Variants in CDH12 observed in about 807,000 individuals in gnomAD.
CDH12 encodes the protein cadherin-12.
A neutral mutation model predicts 74.1 loss-of-function variants in CDH12; 41 were observed. The ratio of observed to expected loss-of-function variants is 0.55; its 90% CI spans 0.43 to 0.72. The LOEUF (loss-of-function observed/expected upper bound fraction) is 0.72. Among genes scored for constraint, CDH12 ranks in the 30% least tolerant of loss-of-function variants. CDH12 has a pLI of 0.00. For synonymous variants in CDH12, 399 were observed against 355.0 expected, an observed-to-expected ratio of 1.12 and a Z score of -1.39; for missense variants, 945 against 977.2, an observed-to-expected ratio of 0.97 and a Z score of 0.44.
chr5:22,223,459 A>T (rs1370749185), intron 3 of CDH12, among the ~76,000 whole-genome samples: 1 of 152,056 alleles, frequency 6.6e-6, no homozygotes, highest in Non-Finnish European at 1.5e-5. Flanking sequence ...TTCACAGATG[A>T]TGCAAGCCTA....
Position 22,163,251 on chromosome 5 carries a change from T to G in CDH12, c.-187+49247A>C, listed in dbSNP as rs539062937. The stretch of plus-strand genomic sequence containing the variant: ...CTCGTTTATCCTGTTTATATACATT[T>G]GGTTGGACTTCTCATCCAATGTCAG... On this transcript the variant is annotated intron_variant, in intron 4 of 14. Coordinates refer to ENST00000382254, the MANE Select transcript of CDH12 (RefSeq NM_004061.5). Among the ~76,000 whole-genome samples, 8 of 152,306 alleles carry G rather than the reference T, an allele frequency of 5.3e-5. No individual in the cohort carries two copies. In the South Asian group the frequency reaches 1.7e-3, roughly 32 times the overall value.
chr5:22,117,062 C>T (rs1220885206), intron 4 of CDH12, among the ~76,000 whole-genome samples: 1 of 151,356 alleles, frequency 6.6e-6, no homozygotes, highest in Non-Finnish European at 1.5e-5. Context: ...AAGTCCAATT[C>T]TAGGCCAGCC....
At chr5:22,114,420 G>A (rs1744977908) in intron 4 of CDH12, among the ~76,000 whole-genome samples, 1 of 151,828 alleles carries the variant, frequency 6.6e-6, no homozygotes, top group African/African-American at 2.4e-5. Flanking sequence ...TTAGAGTTCT[G>A]GACAATTGGT....
intron 1 of CDH12, among the ~76,000 whole-genome samples, chr5:22,749,341 T>C (rs1251156084): frequency 6.6e-6 from 1 of 152,230 alleles, no homozygotes; most frequent in Non-Finnish European, 1.5e-5. Context: ...TTGAACTACT[T>C]TGATTCATAG....
intron 2 of CDH12, among the ~76,000 whole-genome samples, chr5:22,429,890 T>C (rs1006501903): frequency 2.0e-5 from 3 of 152,122 alleles, no homozygotes; most frequent in Non-Finnish European, 4.4e-5. Flanking sequence ...ATAGCATCTT[T>C]GAATGAGAGA....
intron 10 of CDH12, among the ~76,000 whole-genome samples, chr5:21,792,601 T>C (rs1322515632): frequency 1.3e-4 from 4 of 29,654 alleles, no homozygotes; most frequent in Admixed American, 8.4e-4. Flanking sequence ...CTCTGCCCTT[T>C]TTTTTTTTTT....
At chr5:22,225,931 A>G (rs201816692) in intron 3 of CDH12, among the ~76,000 whole-genome samples, 1 of 143,126 alleles carries the variant, frequency 7.0e-6, no homozygotes, top group African/African-American at 2.6e-5. Flanking sequence ...AACAGCAGCA[A>G]CAACAAAAAC....
intron 1 of CDH12, among the ~76,000 whole-genome samples, chr5:22,595,464 A>G (rs1736558641): frequency 6.6e-6 from 1 of 152,206 alleles, no homozygotes. Context: ...CATTATAGTA[A>G]TGTTTACATT....
intron 3 of CDH12, among the ~76,000 whole-genome samples, chr5:22,301,658 G>A (rs1410895807): frequency 6.6e-6 from 1 of 151,500 alleles, no homozygotes; most frequent in African/African-American, 2.4e-5. Flanking sequence ...TCAAGACAGG[G>A]TTTTGCTCTG....
chr5:22,038,594 T>C (rs760134479), intron 5 of CDH12, among the ~76,000 whole-genome samples: 1 of 152,140 alleles, frequency 6.6e-6, no homozygotes, highest in Non-Finnish European at 1.5e-5. Context: ...CCTGAAAAAA[T>C]GGTTGTTTGC....
At chr5:22,353,453 A>C (rs1368329009) in intron 3 of CDH12, among the ~76,000 whole-genome samples, 1 of 152,194 alleles carries the variant, frequency 6.6e-6, no homozygotes, top group African/African-American at 2.4e-5. Context: ...ATATATTGTA[A>C]ATAGTTGCTA....
intron 3 of CDH12, among the ~76,000 whole-genome samples, chr5:22,280,787 G>C (rs961539613): frequency 8.5e-5 from 13 of 152,188 alleles, no homozygotes; most frequent in African/African-American, 3.1e-4. Context: ...TGAATTCTAC[G>C]AGAGGTACAA....
intron 6 of CDH12, among the ~76,000 whole-genome samples, chr5:21,932,139 T>C (rs192343047): frequency 7.2e-5 from 11 of 152,344 alleles, no homozygotes; most frequent in Admixed American, 7.2e-4. Context: ...AATCATAAGA[T>C]AGTGATTTTA....
intron 3 of CDH12, among the ~76,000 whole-genome samples, chr5:22,373,694 A>C (rs1351032652): frequency 6.6e-6 from 1 of 152,182 alleles, no homozygotes; most frequent in Non-Finnish European, 1.5e-5. Context: ...TTTACCGCCA[A>C]AGAAATCATG....
chr5:22,012,088 A>C (rs1380951404), intron 5 of CDH12, among the ~76,000 whole-genome samples: 1 of 152,048 alleles, frequency 6.6e-6, no homozygotes, highest in East Asian at 1.9e-4. Flanking sequence ...AATATACACT[A>C]TATTTCTGAA....
chr5:22,724,694 G>A (rs979954768), intron 1 of CDH12, among the ~76,000 whole-genome samples: 4 of 151,794 alleles, frequency 2.6e-5, no homozygotes, highest in African/African-American at 9.7e-5. Flanking sequence ...CTCTAAGCAT[G>A]TGTGTGCATG....
chr5:21,887,237 C>A (rs1469745238), intron 6 of CDH12, among the ~76,000 whole-genome samples: 2 of 152,118 alleles, frequency 1.3e-5, no homozygotes, highest in Non-Finnish European at 2.9e-5. Flanking sequence ...TTTATCCCTT[C>A]TTTCACTCCT....
intron 2 of CDH12, among the ~76,000 whole-genome samples, chr5:22,406,139 T>C (rs1428028509): frequency 1.3e-5 from 2 of 152,192 alleles, no homozygotes; most frequent in African/African-American, 4.8e-5. Flanking sequence ...ATTTATATTG[T>C]AGTTACAGAT....
At position 21,950,372 on chromosome 5, in the gene CDH12, A is replaced by G. The variant is rs151318194; in HGVS notation, c.526+24719T>C. Among the ~76,000 whole-genome samples, 1,074 of 152,302 alleles carry G rather than the reference A, an allele frequency of 7.1e-3. 12 individuals are homozygous for G. Among genetic ancestry groups the G allele is most frequent in the African/African-American group, 0.024 (1,017 of 41,560 alleles). On this transcript the variant is annotated intron_variant, in intron 6 of 14. Coordinates refer to ENST00000382254, the MANE Select transcript of CDH12 (RefSeq NM_004061.5). The stretch of plus-strand genomic sequence containing the variant: ...ACACTATAAATAAATTAAGATGGAA[A>G]CTTAACATGTTTACGTAACCCATTG...
Sources: allele counts gnomAD v4.1 joint callset (sites outside exome capture counted in the v4.1 genomes callset), GRCh38; gene constraint gnomAD v4.1.1; transcripts MANE v1.5; gene names NCBI Gene and HGNC (gene_info 2026-07-23, HGNC 2026-07-21).